TXK: variants seen among roughly 807,000 people sequenced by gnomAD.
The protein encoded by TXK is TXK tyrosine kinase.
Under a neutral mutation model 81.0 loss-of-function variants are expected in TXK, and 60 were observed. That is an observed-to-expected ratio of 0.74 (90% CI 0.60 to 0.92). TXK has a LOEUF of 0.92. Among genes scored for constraint, TXK ranks in the 40% least tolerant of loss-of-function variants. The pLI, the probability that TXK is intolerant of heterozygous loss-of-function variation, is 0.00. For missense variants in TXK, 581 were observed against 638.3 expected (o/e 0.91, Z 0.97); for synonymous variants, 203 against 210.7 (o/e 0.96, Z 0.32).
At chr4:48,096,686 G>C (rs1045866295) in intron 6 of TXK, among the ~76,000 whole-genome samples, 1 of 152,036 alleles carries the variant, frequency 6.6e-6, no homozygotes, top group African/African-American at 2.4e-5. Flanking sequence ...ATGCCACCAT[G>C]CCTGGCTAAT....
intron 5 of TXK, among the ~76,000 whole-genome samples, chr4:48,109,900 G>T (rs569743603): frequency 6.6e-6 from 1 of 152,240 alleles, no homozygotes; most frequent in African/African-American, 2.4e-5. Context: ...GTGCCCAAGT[G>T]GGATGAAGGT....
At chr4:48,113,445 C>CT (rs1718705425) in intron 2 of TXK, 136 bp from the exon 3 acceptor site, 2 of 595,924 alleles carry the variant, frequency 3.4e-6, no homozygotes, top group Non-Finnish European at 2.9e-6. Flanking sequence ...GGCTTCCTAA[C>CT]TCCATCTCCC....
chr4:48,121,412 A>T (rs1477002950), intron 1 of TXK, among the ~76,000 whole-genome samples: 1 of 152,128 alleles, frequency 6.6e-6, no homozygotes, highest in Admixed American at 6.5e-5. Flanking sequence ...TCTCTCTCTC[A>T]CACACAGGCC....
At chr4:48,113,130 A>G in intron 3 of TXK, 77 bp downstream of exon 3, 1 of 1,024,256 alleles carries the variant, frequency 9.8e-7, no homozygotes, top group Non-Finnish European at 1.5e-6. Context: ...TCTGGGCAAC[A>G]AACAGCACCT....
chr4:48,101,434 C>A (rs1345849849), intron 6 of TXK, among the ~76,000 whole-genome samples: 1 of 152,052 alleles, frequency 6.6e-6, no homozygotes, highest in Non-Finnish European at 1.5e-5. Flanking sequence ...TTAATGTAAC[C>A]TTTATACTAA....
chr4:48,106,813 T>C (rs962286305), intron 5 of TXK, among the ~76,000 whole-genome samples: 1 of 152,208 alleles, frequency 6.6e-6, no homozygotes, highest in African/African-American at 2.4e-5. Context: ...ATATCTATTA[T>C]TTTAAGAGAA....
intron 9 of TXK, among the ~76,000 whole-genome samples, chr4:48,088,613 C>A (rs1363834982): frequency 2.6e-5 from 4 of 152,150 alleles, no homozygotes; most frequent in Non-Finnish European, 5.9e-5. Context: ...TCAAACCAGG[C>A]AAAACAAATC....
At position 48,114,421 on chromosome 4, in the gene TXK, C is replaced by A. The variant is rs1265425479; in HGVS notation, c.17-19G>T. 1 of 1,614,012 alleles carries A rather than the reference C, an allele frequency of 6.2e-7. No homozygotes were observed. The highest frequency in any genetic ancestry group is 1.1e-5 in the South Asian group (1 of 91,076). ...GTGTTATCTGAAAAGCAGATCATTT[C>A]TCAGCTGTTAGAAAGCCATGAGTAC... On this transcript the variant is annotated intron_variant, in intron 1 of 14. Coordinates refer to ENST00000264316, the MANE Select transcript of TXK (RefSeq NM_003328.3).
intron 1 of TXK, among the ~76,000 whole-genome samples, chr4:48,131,717 T>A (rs1176372481): frequency 2.0e-5 from 3 of 152,238 alleles, no homozygotes; most frequent in Admixed American, 2.0e-4. Context: ...CCTTGGACAA[T>A]CAAATCCTTG....
intron 6 of TXK, among the ~76,000 whole-genome samples, chr4:48,096,425 T>C (rs943153782): frequency 3.9e-5 from 6 of 152,216 alleles, no homozygotes; most frequent in Admixed American, 2.6e-4. Context: ...ACAAGCAAGA[T>C]TTCCTGACTA....
At chr4:48,128,010 G>A (rs1023238743) in intron 1 of TXK, among the ~76,000 whole-genome samples, 4 of 152,174 alleles carry the variant, frequency 2.6e-5, no homozygotes, top group Non-Finnish European at 4.4e-5. Context: ...AGCTCCTAAG[G>A]TCATCTCTGA....
chr4:48,097,952 T>TTAGAG (rs1718047426), intron 6 of TXK, among the ~76,000 whole-genome samples: 1 of 151,620 alleles, frequency 6.6e-6, no homozygotes, highest in East Asian at 1.9e-4. Flanking sequence ...TTTCACCGTG[T>TTAGAG]TAGCCAGGAT....
chr4:48,083,942 C>T (rs1461657699), intron 10 of TXK, among the ~76,000 whole-genome samples: 1 of 152,162 alleles, frequency 6.6e-6, no homozygotes, highest in African/African-American at 2.4e-5. Flanking sequence ...AATATTTAAA[C>T]CACACACAGA....
At chr4:48,111,537 T>C (rs2109470183) in intron 4 of TXK, among the ~76,000 whole-genome samples, 1 of 152,348 alleles carries the variant, frequency 6.6e-6, no homozygotes, top group Middle Eastern at 3.4e-3. Flanking sequence ...TACCCGCAGG[T>C]GTGGCTAATT....
chr4:48,095,137 GC>G lies in TXK; in HGVS notation c.581+5del. ...TTCTATAGTAACCAAAATCACAAGT[GC>G]TTACCTTCTAGCTCCCATAAATACG... On this transcript the variant is annotated splice_donor_5th_base_variant and intron_variant, in intron 7 of 14. Transcript: ENST00000264316. 6.2e-7 allele frequency: 1 copy of G among 1,606,662 alleles called. No homozygotes were observed.
Position 48,090,772 on chromosome 4 carries a change from G to A in TXK, c.710-948C>T, listed in dbSNP as rs77659379. On this transcript the variant is annotated intron_variant, in intron 8 of 14. Coordinates refer to ENST00000264316, the MANE Select transcript of TXK (RefSeq NM_003328.3). ...GCACACACAAGAAAAAGTAGATAATGATGATTAAGTGCAAGGCAGACCGGA... is the reference window on the plus strand; with the variant it reads ...GCACACACAAGAAAAAGTAGATAATAATGATTAAGTGCAAGGCAGACCGGA... Among the ~76,000 whole-genome samples the A allele has an allele frequency of 1.1e-4, 17 of 152,308 alleles. No individual in the cohort carries two copies. The East Asian group carries it at 2.9e-3, about 26-fold the overall frequency.
chr4:48,116,511 T>C (rs1215855586), intron 1 of TXK, among the ~76,000 whole-genome samples: 1 of 152,036 alleles, frequency 6.6e-6, no homozygotes, highest in Non-Finnish European at 1.5e-5. Flanking sequence ...ACTACAAGGA[T>C]AGTGCAGGAA....
At chr4:48,085,893 C>T (rs1049658267) in intron 10 of TXK, among the ~76,000 whole-genome samples, 1 of 152,188 alleles carries the variant, frequency 6.6e-6, no homozygotes, top group African/African-American at 2.4e-5. Flanking sequence ...TCCTTCAAGT[C>T]CGTGTGACCT....
At chr4:48,077,005 A>G (rs1717097098) in intron 11 of TXK, among the ~76,000 whole-genome samples, 2 of 152,208 alleles carry the variant, frequency 1.3e-5, no homozygotes, top group African/African-American at 4.8e-5. Context: ...TTTTTTTAAC[A>G]TCTTTATAGG....
Sources: allele counts gnomAD v4.1 joint callset (sites outside exome capture counted in the v4.1 genomes callset), GRCh38; gene constraint gnomAD v4.1.1; transcripts MANE v1.5; gene names NCBI Gene and HGNC (gene_info 2026-07-23, HGNC 2026-07-21).